The following RGS20 variants were observed in gnomAD, a reference collection of about 807,000 sequenced individuals.
RGS20 encodes the protein regulator of G protein signaling 20.
In RGS20, 30 loss-of-function variants were observed where a neutral mutation model predicts 33.6. The observed-to-expected ratio is 0.89, with a 90% confidence interval of 0.67 to 1.21. The LOEUF (loss-of-function observed/expected upper bound fraction) is 1.21. Ranked by LOEUF, RGS20 falls within the 50% of genes most tolerant of loss-of-function variation. The pLI is 0.00. For missense variants in RGS20, 472 were observed against 502.4 expected (o/e 0.94, Z 0.58); for synonymous variants, 208 against 197.9 (o/e 1.05, Z -0.43).
At chr8:53,918,662 ACAGG>A (rs1813564756) in intron 2 of RGS20, among the ~76,000 whole-genome samples, 1 of 151,842 alleles carries the variant, frequency 6.6e-6, no homozygotes, top group Non-Finnish European at 1.5e-5. Flanking sequence ...TGCTAGGATT[ACAGG>A]CATGAGCCAC....
At chr8:53,955,925 CCTA>C (rs747079948) in intron 5 of RGS20, among the ~76,000 whole-genome samples, 1 of 152,110 alleles carries the variant, frequency 6.6e-6, no homozygotes, top group Non-Finnish European at 1.5e-5. Flanking sequence ...TTAGTTATTT[CCTA>C]CTATGTGCCG....
At chr8:53,857,890 G>A (rs896822895) in intron 1 of RGS20, among the ~76,000 whole-genome samples, 4 of 151,680 alleles carry the variant, frequency 2.6e-5, no homozygotes, top group Non-Finnish European at 5.9e-5. Context: ...ATTTTTAACT[G>A]TCTCATCACA....
chr8:53,853,986 C>T (rs532004114), intron 1 of RGS20, among the ~76,000 whole-genome samples: 17 of 152,146 alleles, frequency 1.1e-4, no homozygotes, highest in African/African-American at 4.1e-4. Context: ...AAAGAGGGAA[C>T]GTGAGCTAAA....
intron 2 of RGS20, among the ~76,000 whole-genome samples, chr8:53,880,589 C>A (rs1812333033): frequency 6.6e-6 from 1 of 152,224 alleles, no homozygotes; most frequent in Non-Finnish European, 1.5e-5. Flanking sequence ...GCACGCAGTC[C>A]AGCACACTCT....
At chr8:53,945,395 A>G (rs1253349815) in intron 3 of RGS20, 1 of 152,238 alleles carries the variant, frequency 6.6e-6, no homozygotes, top group African/African-American at 2.4e-5. Context: ...AGGCAAATCT[A>G]TAGAGACAGG....
At chr8:53,941,954 C>T (rs1011240215) in intron 3 of RGS20, among the ~76,000 whole-genome samples, 2 of 152,020 alleles carry the variant, frequency 1.3e-5, no homozygotes, top group Admixed American at 6.6e-5. Flanking sequence ...TACATAGCAC[C>T]ATATACAAAA....
At chr8:53,925,804 C>A (rs531677098) in intron 2 of RGS20, among the ~76,000 whole-genome samples, 2 of 151,960 alleles carry the variant, frequency 1.3e-5, no homozygotes, top group Non-Finnish European at 2.9e-5. Flanking sequence ...ACAGCTAGTA[C>A]TAAGGAATAA....
intron 1 of RGS20, among the ~76,000 whole-genome samples, chr8:53,864,412 G>A (rs1435063152): frequency 5.0e-5 from 7 of 139,358 alleles, no homozygotes; most frequent in Admixed American, 1.5e-4. Context: ...CCAGCCTGGC[G>A]ATAGAGCAAG....
chr8:53,886,330 A>G (rs539292188), intron 2 of RGS20, among the ~76,000 whole-genome samples: 2 of 152,192 alleles, frequency 1.3e-5, no homozygotes, highest in Non-Finnish European at 2.9e-5. Context: ...TGCTCAGAGT[A>G]ATATTACATG....
intron 4 of RGS20, among the ~76,000 whole-genome samples, chr8:53,949,233 T>C (rs999066404): frequency 3.5e-5 from 5 of 144,266 alleles, no homozygotes; most frequent in Non-Finnish European, 7.6e-5. Flanking sequence ...ATATATACTA[T>C]ATATAAGATA....
intron 3 of RGS20, among the ~76,000 whole-genome samples, chr8:53,939,992 G>A (rs1328084013): frequency 6.6e-6 from 1 of 152,182 alleles, no homozygotes; most frequent in African/African-American, 2.4e-5. Context: ...GGCGGTTCAC[G>A]ATTGACTATC....
chr8:53,925,742 A>T (rs543417652), intron 2 of RGS20, among the ~76,000 whole-genome samples: 1 of 152,096 alleles, frequency 6.6e-6, no homozygotes, highest in Non-Finnish European at 1.5e-5. Context: ...TCTCAAAAAA[A>T]AAAGAAGTTA....
intron 2 of RGS20, among the ~76,000 whole-genome samples, chr8:53,938,868 C>A (rs1585941904): frequency 1.3e-5 from 2 of 152,174 alleles, no homozygotes; most frequent in African/African-American, 4.8e-5. Flanking sequence ...TATGGCTTGG[C>A]CTCCATTGAA....
In RGS20 at chr8:53,879,481, T is replaced by C; in HGVS notation, c.389T>C (p.Leu130Pro). Reference sequence around the variant, plus strand: ...GAGCTGCCGGGCCGCCTCTCGCTCCTGCTCGGGGCGGCGCTGGCACTGCCC... The same window carrying C: ...GAGCTGCCGGGCCGCCTCTCGCTCCCGCTCGGGGCGGCGCTGGCACTGCCC... Residue 130 changes from leucine to proline, a missense_variant, in exon 2 of 6, where the codon CTG (leucine) becomes CCG (proline). Physicochemically the swap from Leu to Pro is moderately conservative, Grantham distance 98. Coordinates refer to ENST00000297313, the MANE Select transcript of RGS20 (RefSeq NM_170587.4). 2 of 1,562,110 alleles carry C rather than the reference T, an allele frequency of 1.3e-6. No homozygotes were observed. Among genetic ancestry groups the C allele is most frequent in the African/African-American group, 1.4e-5 (1 of 72,856 alleles).
At chr8:53,886,136 C>T (rs915485701) in intron 2 of RGS20, among the ~76,000 whole-genome samples, 3 of 152,184 alleles carry the variant, frequency 2.0e-5, no homozygotes, top group African/African-American at 4.8e-5. Flanking sequence ...TGAGTCAGAG[C>T]TTAGCATTTA....
intron 2 of RGS20, among the ~76,000 whole-genome samples, chr8:53,938,232 A>G (rs1460302215): frequency 6.6e-6 from 1 of 152,220 alleles, no homozygotes; most frequent in East Asian, 1.9e-4. Flanking sequence ...TGTCCTTTGC[A>G]GGGACATGGA....
chr8:53,907,418 T>C (rs1014856087), intron 2 of RGS20, among the ~76,000 whole-genome samples: 1 of 152,006 alleles, frequency 6.6e-6, no homozygotes, highest in African/African-American at 2.4e-5. Flanking sequence ...AATCTGTCTC[T>C]ACTGAAAATA....
At chr8:53,956,425 C>T (rs1814864765) in intron 5 of RGS20, among the ~76,000 whole-genome samples, 1 of 152,034 alleles carries the variant, frequency 6.6e-6, no homozygotes, top group East Asian at 1.9e-4. Flanking sequence ...TTTGAAAGAC[C>T]AGTAGGGCTG....
intron 2 of RGS20, among the ~76,000 whole-genome samples, chr8:53,918,842 T>G (rs1813569199): frequency 1.3e-5 from 2 of 152,238 alleles, no homozygotes; most frequent in Non-Finnish European, 2.9e-5. Context: ...TTTGTGACCA[T>G]TATGTATAAT....
Sources: gnomAD v4.1 joint callset for allele counts (sites outside exome capture counted in the v4.1 genomes callset) on GRCh38, gnomAD v4.1.1 for gene constraint, MANE v1.5 for transcripts, NCBI Gene and HGNC (gene_info 2026-07-23, HGNC 2026-07-21) for gene names.